Variants in FSTL5 observed in about 807,000 individuals in gnomAD.
FSTL5 encodes the protein follistatin-related protein 5.
A neutral mutation model predicts 89.1 loss-of-function variants in FSTL5; 62 were observed. The ratio of observed to expected loss-of-function variants is 0.70; its 90% CI spans 0.57 to 0.86. FSTL5 has a LOEUF of 0.86. Among genes scored for constraint, FSTL5 ranks in the 40% least tolerant of loss-of-function variants. The probability of loss-of-function intolerance (pLI) is 0.00; values close to 1 mark genes in which losing one functional copy is unlikely to be tolerated. For missense variants in FSTL5, 1,057 were observed against 1,001.6 expected, an observed-to-expected ratio of 1.06 and a Z score of -0.75; for synonymous variants, 383 against 346.2, an observed-to-expected ratio of 1.11 and a Z score of -1.18.
In FSTL5 at chr4:161,920,670, A is replaced by AT; in HGVS notation, c.161-19_161-18insA. The stretch of plus-strand genomic sequence containing the variant: ...CATAAATCCTGAAGAATTAAAAAAA[A>AT]ATTGAAAATCGTTTGGTTCATTTGT... On this transcript the variant is annotated intron_variant, in intron 3 of 15. Coordinates refer to ENST00000306100, the MANE Select transcript of FSTL5 (RefSeq NM_020116.5). The AT allele has an allele frequency of 1.3e-6, 2 of 1,596,278 alleles. No individual in the cohort carries two copies. Among genetic ancestry groups the AT allele is most frequent in the Non-Finnish European group, 1.7e-6 (2 of 1,174,214 alleles).
chr4:161,586,337 T>G (rs2126605659), intron 8 of FSTL5, among the ~76,000 whole-genome samples: 1 of 152,298 alleles, frequency 6.6e-6, no homozygotes, highest in South Asian at 2.1e-4. Flanking sequence ...TATAATTATA[T>G]TTAAGTTAAC....
At position 161,652,749 on chromosome 4, in the gene FSTL5, G is replaced by C. The variant is rs192435206; in HGVS notation, c.894+3579C>G. On this transcript the variant is annotated intron_variant, in intron 7 of 15. Transcript: ENST00000306100. ...TACATCTATATTATTGTAATTGTTCGCAATTAAAATGTATTTATGTGTTAT... is the reference window on the plus strand; with the variant it reads ...TACATCTATATTATTGTAATTGTTCCCAATTAAAATGTATTTATGTGTTAT... Among the ~76,000 whole-genome samples the C allele has an allele frequency of 7.9e-4, 120 of 151,972 alleles. No individual in the cohort carries two copies. The Middle Eastern group carries it at 0.014, about 17-fold the overall frequency.
At chr4:161,708,755 A>G (rs1037157032) in intron 6 of FSTL5, among the ~76,000 whole-genome samples, 6 of 152,258 alleles carry the variant, frequency 3.9e-5, no homozygotes, top group African/African-American at 1.4e-4. Flanking sequence ...TGAATTATGT[A>G]TTAGAAAACA....
chr4:161,510,887 A>T (rs1448232844), intron 10 of FSTL5, among the ~76,000 whole-genome samples: 1 of 151,988 alleles, frequency 6.6e-6, no homozygotes, highest in Admixed American at 6.6e-5. Context: ...AGTTCTTGTA[A>T]ATCCAAGATC....
chr4:161,613,820 A>G (rs77018824), intron 7 of FSTL5, among the ~76,000 whole-genome samples: 1,633 of 152,324 alleles, frequency 0.011, 27 homozygotes, highest in African/African-American at 0.037. Context: ...AAGTAAAAAA[A>G]GTACCTAAAT....
At chr4:161,464,715 A>G (rs1733692961) in intron 13 of FSTL5, among the ~76,000 whole-genome samples, 1 of 152,124 alleles carries the variant, frequency 6.6e-6, no homozygotes, top group Admixed American at 6.5e-5. Flanking sequence ...AGTCTACTTA[A>G]TTGTAAAACG....
intron 6 of FSTL5, among the ~76,000 whole-genome samples, chr4:161,675,714 T>A (rs929270897): frequency 6.6e-6 from 1 of 151,962 alleles, no homozygotes; most frequent in Non-Finnish European, 1.5e-5. Flanking sequence ...GAAGTACTTC[T>A]GTAATGTGCT....
chr4:161,956,794 T>G (rs1578891423), intron 3 of FSTL5, among the ~76,000 whole-genome samples: 1 of 152,066 alleles, frequency 6.6e-6, no homozygotes, highest in South Asian at 2.1e-4. Flanking sequence ...TAGCTAAAAC[T>G]TCAAAAGTTT....
At chr4:162,160,295 CAG>C (rs1434683904) in intron 1 of FSTL5, among the ~76,000 whole-genome samples, 2 of 151,746 alleles carry the variant, frequency 1.3e-5, no homozygotes, top group Admixed American at 6.6e-5. Flanking sequence ...ATTTAAAACA[CAG>C]GGGGACTAAT....
chr4:161,804,621 T>C (rs561626712), intron 4 of FSTL5, among the ~76,000 whole-genome samples: 1 of 152,022 alleles, frequency 6.6e-6, no homozygotes, highest in Non-Finnish European at 1.5e-5. Context: ...ACCTTTTAAA[T>C]TAAAATCAAT....
intron 4 of FSTL5, among the ~76,000 whole-genome samples, chr4:161,808,719 T>G (rs1453777638): frequency 6.6e-6 from 1 of 152,098 alleles, no homozygotes; most frequent in Admixed American, 6.5e-5. Flanking sequence ...ATGTACAGAA[T>G]GTGAGAAAAT....
chr4:161,561,796 G>A (rs1732611540), intron 8 of FSTL5, among the ~76,000 whole-genome samples: 1 of 151,972 alleles, frequency 6.6e-6, no homozygotes, highest in South Asian at 2.1e-4. Context: ...CTTAGGGTGG[G>A]TCATATTTAA....
At chr4:161,679,646 A>C (rs1195988885) in intron 6 of FSTL5, among the ~76,000 whole-genome samples, 3 of 151,904 alleles carry the variant, frequency 2.0e-5, no homozygotes, top group Non-Finnish European at 1.5e-5. Context: ...TATAATTGTT[A>C]ATAGGCATTT....
At chr4:161,487,665 T>A (rs185932067) in intron 12 of FSTL5, among the ~76,000 whole-genome samples, 7 of 152,208 alleles carry the variant, frequency 4.6e-5, no homozygotes, top group South Asian at 2.1e-4. Context: ...ATTTCATGCT[T>A]TTTTATTCTA....
intron 4 of FSTL5, among the ~76,000 whole-genome samples, chr4:161,866,393 T>C (rs974746349): frequency 1.3e-5 from 2 of 151,902 alleles, no homozygotes; most frequent in African/African-American, 2.4e-5. Flanking sequence ...AGACATTTCA[T>C]AGGTCTTTTG....
intron 6 of FSTL5, among the ~76,000 whole-genome samples, chr4:161,731,170 G>T (rs978262947): frequency 1.3e-5 from 2 of 152,060 alleles, no homozygotes; most frequent in African/African-American, 4.8e-5. Context: ...ATGAATCTTG[G>T]TGTGTATACA....
At chr4:161,808,531 C>A (rs189279782) in intron 4 of FSTL5, among the ~76,000 whole-genome samples, 1 of 151,456 alleles carries the variant, frequency 6.6e-6, no homozygotes, top group Non-Finnish European at 1.5e-5. Context: ...AACATGAGAG[C>A]GAAAACTGTG....
intron 10 of FSTL5, among the ~76,000 whole-genome samples, chr4:161,523,372 A>C (rs1360449914): frequency 6.6e-6 from 1 of 152,206 alleles, no homozygotes. Context: ...TAAAGGCATG[A>C]AAAATGGACA....
chr4:161,434,639 T>C (rs1732491571), intron 15 of FSTL5, among the ~76,000 whole-genome samples: 1 of 151,936 alleles, frequency 6.6e-6, no homozygotes, highest in South Asian at 2.1e-4. Flanking sequence ...AGACAATGTA[T>C]TGAATGGGAG....
Sources: allele counts gnomAD v4.1 joint callset (sites outside exome capture counted in the v4.1 genomes callset), GRCh38; gene constraint gnomAD v4.1.1; transcripts MANE v1.5; gene names NCBI Gene and HGNC (gene_info 2026-07-23, HGNC 2026-07-21).